Variants in JAKMIP3 observed in about 807,000 individuals in gnomAD.
JAKMIP3 encodes the protein janus kinase and microtubule-interacting protein 3.
Under a neutral mutation model 118.5 loss-of-function variants are expected in JAKMIP3, and 58 were observed. The ratio of observed to expected loss-of-function variants is 0.49; its 90% CI spans 0.40 to 0.61. The LOEUF (loss-of-function observed/expected upper bound fraction) is 0.61. Among genes scored for constraint, JAKMIP3 ranks in the 20% least tolerant of loss-of-function variants. The probability of loss-of-function intolerance (pLI) is 0.00; values close to 1 mark genes in which losing one functional copy is unlikely to be tolerated. For missense variants in JAKMIP3, 950 were observed against 1,109.0 expected (o/e 0.86, Z 2.04); for synonymous variants, 486 against 451.2 (o/e 1.08, Z -0.98).
At chr10:132,095,880 A>G (rs1324585447) in intron 1 of JAKMIP3, among the ~76,000 whole-genome samples, 2 of 152,126 alleles carry the variant, frequency 1.3e-5, no homozygotes, top group African/African-American at 4.8e-5. Flanking sequence ...GTGGCCCACC[A>G]CAGAGACAGT....
At chr10:132,072,699 AT>A (rs1204482817) in intron 1 of JAKMIP3, among the ~76,000 whole-genome samples, 2 of 152,104 alleles carry the variant, frequency 1.3e-5, no homozygotes, top group Non-Finnish European at 2.9e-5. Flanking sequence ...TGTATTAAGT[AT>A]TTTTTATGAT....
chr10:132,054,340 TA>T (rs1025455918), intron 1 of JAKMIP3, among the ~76,000 whole-genome samples: 1 of 151,726 alleles, frequency 6.6e-6, no homozygotes, highest in African/African-American at 2.4e-5. Flanking sequence ...ACCAAGAATT[TA>T]AAAAAAGGGC....
intron 2 of JAKMIP3, among the ~76,000 whole-genome samples, chr10:132,106,591 G>T (rs1052782306): frequency 1.3e-5 from 2 of 152,306 alleles, no homozygotes; most frequent in East Asian, 3.9e-4. Context: ...AAGGCCGATG[G>T]CATGGGGACA....
At position 132,097,989 on chromosome 10, in the gene JAKMIP3, C is replaced by CGCCTTT; in HGVS notation, c.-137-6683_-137-6682insGCCTTT. Among the ~76,000 whole-genome samples, 3 of 78,344 alleles carry CGCCTTT rather than the reference C, an allele frequency of 3.8e-5. 1 individual carries two copies. In the South Asian group the frequency reaches 1.8e-3, roughly 48 times the overall value. The allele number at this position is 78,344 out of a possible 152,430, so 51.4% of individuals were successfully genotyped here. ...TCCTTCCTTTTCTCCCCTTCCCCTT[C>CGCCTTT]CCCTTCCCCTTCCCCTCCTTCCTTT... On this transcript the variant is annotated intron_variant, in intron 1 of 23. Transcript: ENST00000684848.
intron 23 of JAKMIP3, among the ~76,000 whole-genome samples, chr10:132,180,710 CGTGTGTGTGCGTGTGTGT>C (rs1267059184): frequency 1.1e-4 from 1 of 9,470 alleles, no homozygotes; most frequent in Non-Finnish European, 1.9e-4. Context: ...TGTGTGTGCG[CGTGTGTGTGCGTGTGTGT>C]GCGTGTGTGC....
intron 1 of JAKMIP3, among the ~76,000 whole-genome samples, chr10:132,100,847 C>T (rs962675107): frequency 3.6e-5 from 5 of 138,822 alleles, no homozygotes; most frequent in African/African-American, 7.8e-5. Context: ...CCGCGCTCCC[C>T]GTTCTCTCTG....
chr10:132,178,506 A>G (rs554839366), intron 23 of JAKMIP3, among the ~76,000 whole-genome samples: 2 of 152,336 alleles, frequency 1.3e-5, no homozygotes, highest in South Asian at 2.1e-4. Flanking sequence ...ATGTTTGGCT[A>G]AAGTTTCTCA....
intron 1 of JAKMIP3, among the ~76,000 whole-genome samples, chr10:132,067,817 G>A (rs111885995): frequency 5.0e-4 from 72 of 143,480 alleles, no homozygotes; most frequent in African/African-American, 1.5e-3. Flanking sequence ...GTGGGCTTCC[G>A]TGTGGACTGG....
At chr10:132,158,163 C>T (rs1203784345) in intron 19 of JAKMIP3, among the ~76,000 whole-genome samples, 5 of 143,396 alleles carry the variant, frequency 3.5e-5, no homozygotes, top group African/African-American at 1.3e-4. Flanking sequence ...ACAGATAATT[C>T]CCCTTTGTAA....
At position 132,082,175 on chromosome 10, in the gene JAKMIP3, G is replaced by T. The variant is rs1250555982; in HGVS notation, c.-138+16114G>T. ...ACATTGGGCATTGTTTGTTTGGGGG[G>T]GGGGGCTGAATTTTTTTTTGCTTCC... On this transcript the variant is annotated intron_variant, in intron 1 of 23. Transcript: ENST00000684848. 9.3e-5 allele frequency among the ~76,000 whole-genome samples: 14 copies of T among 149,736 alleles called. 1 individual carries two copies. Among genetic ancestry groups the T allele is most frequent in the Admixed American group, 9.3e-4 (14 of 15,074 alleles).
At chr10:132,106,325 G>A (rs1345069793) in intron 2 of JAKMIP3, among the ~76,000 whole-genome samples, 5 of 151,354 alleles carry the variant, frequency 3.3e-5, no homozygotes, top group African/African-American at 7.3e-5. Flanking sequence ...ATGACAGAGC[G>A]AGACCCTGTC....
In JAKMIP3 at chr10:132,116,979, G is replaced by C. The variant is rs1444497265; in HGVS notation, c.136-98G>C. On this transcript the variant is annotated intron_variant, in intron 2 of 23. Coordinates refer to ENST00000684848, the MANE Select transcript of JAKMIP3 (RefSeq NM_001323087.2). ...CCCTTGAATACACATTCAGGTGTGA[G>C]TGTGTGCAACGTGGAAGCTCCCCCA... The C allele has an allele frequency of 2.3e-6, 3 of 1,322,330 alleles. No homozygotes were observed. In the Admixed American group the frequency reaches 7.0e-5, roughly 31 times the overall value. 81.9% of individuals were successfully genotyped at this position (1,322,330 alleles called of 1,614,324 possible).
intron 2 of JAKMIP3, among the ~76,000 whole-genome samples, chr10:132,110,473 G>T (rs1240446064): frequency 6.6e-6 from 1 of 152,262 alleles, no homozygotes; most frequent in Non-Finnish European, 1.5e-5. Flanking sequence ...TTGAACAGCC[G>T]AGGGAGGGGA....
intron 23 of JAKMIP3, among the ~76,000 whole-genome samples, chr10:132,172,610 C>T (rs1381279442): frequency 2.0e-5 from 3 of 151,960 alleles, no homozygotes; most frequent in South Asian, 2.1e-4. Context: ...TGCTTCCAGC[C>T]GTTCAGTCTG....
intron 1 of JAKMIP3, among the ~76,000 whole-genome samples, chr10:132,091,867 C>T (rs1237687871): frequency 6.6e-5 from 10 of 152,086 alleles, no homozygotes; most frequent in East Asian, 1.9e-4. Flanking sequence ...TTCCTAGCAT[C>T]GATGGTCTTT....
Position 132,112,716 on chromosome 10 carries a change from A to G in JAKMIP3, c.136-4361A>G, listed in dbSNP as rs1007548814. On this transcript the variant is annotated intron_variant, in intron 2 of 23. Coordinates refer to ENST00000684848, the MANE Select transcript of JAKMIP3 (RefSeq NM_001323087.2). This position sits in a 1 kb window ranked among gnomAD's most constrained non-coding sequence, Gnocchi z 4.3. The stretch of plus-strand genomic sequence containing the variant: ...AAATAGTTCCCATGAAGGGTCTGGG[A>G]TTCGGATTCTCCTTGTCCACAGCCA... Among the ~76,000 whole-genome samples the G allele has an allele frequency of 6.6e-6, 1 of 152,098 alleles. No individual in the cohort carries two copies. The highest frequency in any genetic ancestry group is 1.5e-5 in the Non-Finnish European group (1 of 68,008).
At chr10:132,050,260 C>T (rs575911831) in intron 1 of JAKMIP3, among the ~76,000 whole-genome samples, 2 of 152,330 alleles carry the variant, frequency 1.3e-5, no homozygotes, top group East Asian at 1.9e-4. Flanking sequence ...TCGCGCTGCC[C>T]GTTAACAGGG....
intron 1 of JAKMIP3, among the ~76,000 whole-genome samples, chr10:132,088,747 A>G (rs2042735311): frequency 6.6e-6 from 1 of 152,046 alleles, no homozygotes; most frequent in Admixed American, 6.6e-5. Flanking sequence ...TTTTGTTCCC[A>G]TTGCTTTTGG....
chr10:132,077,210 C>T (rs1441657839), intron 1 of JAKMIP3, among the ~76,000 whole-genome samples: 3 of 149,182 alleles, frequency 2.0e-5, no homozygotes, highest in Admixed American at 2.0e-4. Flanking sequence ...AGAAGAGGGC[C>T]TCTGCTTCCC....
Sources: gnomAD v4.1 joint callset for allele counts (sites outside exome capture counted in the v4.1 genomes callset) on GRCh38, gnomAD v4.1.1 for gene constraint, Gnocchi (gnomAD v3.1) non-coding constraint, MANE v1.5 for transcripts, NCBI Gene and HGNC (gene_info 2026-07-23, HGNC 2026-07-21) for gene names.